The following USB1 variants were observed in gnomAD, a reference collection of about 807,000 sequenced individuals.
The protein encoded by USB1 is U6 snRNA phosphodiesterase 1.
USB1 carries 21 observed loss-of-function variants against 29.9 expected under a neutral mutation model. That is an observed-to-expected ratio of 0.70 (90% CI 0.50 to 1.01). The LOEUF (loss-of-function observed/expected upper bound fraction) is 1.01. USB1 is among the 50% of genes least tolerant of loss of function. USB1 has a pLI of 0.00. For missense variants in USB1, 330 were observed against 347.1 expected, an observed-to-expected ratio of 0.95 and a Z score of 0.39; for synonymous variants, 143 against 134.9, an observed-to-expected ratio of 1.06 and a Z score of -0.42.
intron 2 of USB1, 125 bp downstream of exon 2, chr16:58,002,770 C>T: frequency 7.4e-7 from 1 of 1,353,800 alleles, no homozygotes. Flanking sequence ...GTGGGAAAGT[C>T]ATTGACTTAG....
In USB1 at chr16:58,014,354, T is replaced by C. The variant is rs1459194303; in HGVS notation, c.503+28T>C. 15 of 1,594,430 alleles carry C rather than the reference T, an allele frequency of 9.4e-6. No individual in the cohort carries two copies. In the East Asian group the frequency reaches 3.3e-4, roughly 36 times the overall value. ...GGGTCCTCCCAACCCCCAATCACCA[T>C]CAGAGGAAGATTCTTTGGTGCAAAA... is the stretch of plus-strand genomic sequence containing the variant. On this transcript the variant is annotated intron_variant, in intron 4 of 6. Coordinates refer to ENST00000219281, the MANE Select transcript of USB1 (RefSeq NM_024598.4).
At chr16:58,003,875 A>G (rs943470953) in intron 2 of USB1, among the ~76,000 whole-genome samples, 1 of 151,978 alleles carries the variant, frequency 6.6e-6, no homozygotes, top group Non-Finnish European at 1.5e-5. Context: ...TTGCAAATAC[A>G]TTTTTTTCCC....
At chr16:58,017,481 A>T (rs1050703640) in intron 5 of USB1, 42 bp downstream of exon 5, 7 of 1,566,650 alleles carry the variant, frequency 4.5e-6, no homozygotes, top group Non-Finnish European at 6.2e-6. Flanking sequence ...CCCATTTCTA[A>T]TGAGAATAAA....
Position 58,013,041 on chromosome 16 carries a change from G to A in USB1, c.450-1232G>A, listed in dbSNP as rs553032924. 1.9e-5 allele frequency: 19 copies of A among 985,580 alleles called. No individual in the cohort carries two copies. In the African/African-American group the frequency reaches 2.4e-4, roughly 13 times the overall value. 61.1% of individuals were successfully genotyped at this position (985,580 alleles called of 1,614,324 possible). ...AGGATCTGTGTCATGAGTGAAGCCCGGGCAGGTGTGGTCTGTTCAACTTTG... is the reference window on the plus strand; with the variant it reads ...AGGATCTGTGTCATGAGTGAAGCCCAGGCAGGTGTGGTCTGTTCAACTTTG... On this transcript the variant is annotated intron_variant, in intron 3 of 6. Coordinates refer to ENST00000219281, the MANE Select transcript of USB1 (RefSeq NM_024598.4). The surrounding 1 kb of genome is among the most constrained non-coding windows in gnomAD (Gnocchi z 4.3).
chr16:58,010,849 C>T (rs1173984238), intron 3 of USB1: 2 of 609,292 alleles, frequency 3.3e-6, no homozygotes, highest in Non-Finnish European at 5.9e-6. Context: ...TTCTTAATCA[C>T]CAAGGGAAGC....
At position 58,013,681 on chromosome 16, in the gene USB1, A is replaced by G. The variant is rs1963548892; in HGVS notation, c.450-592A>G. 1.1e-5 allele frequency: 11 copies of G among 957,296 alleles called. No homozygotes were observed. The highest frequency in any genetic ancestry group is 3.5e-5 in the African/African-American group (2 of 56,550). 59.3% of individuals were successfully genotyped at this position (957,296 alleles called of 1,614,324 possible). On this transcript the variant is annotated intron_variant, in intron 3 of 6. Coordinates refer to ENST00000219281, the MANE Select transcript of USB1 (RefSeq NM_024598.4). The surrounding 1 kb of genome is among the most constrained non-coding windows in gnomAD (Gnocchi z 4.3). ...TCACGAAAGCGTCATAGGTGACAAC[A>G]AGGACTCTGGAAACAGGCAGACTGA... is the stretch of plus-strand genomic sequence containing the variant.
chr16:58,020,151 A>T lies in USB1; in HGVS notation c.704A>T (p.Asp235Val), dbSNP rs1018834431. ...GGCTGCTGTTTTAAGGCAATCGTGG[A>T]TGGGTTTGAAGATGCTGAGGTGCTG... ...QCLQELQAIV[D>V]GFEDAEVLLR... is the part of the protein sequence containing the mutation. The change falls in exon 7 of 7, where the codon GAT becomes GTT. Residue 235 changes from aspartate (D) to valine (V), a missense_variant. Asp to Val is a radical substitution (Grantham distance 152, BLOSUM62 -3). Coordinates refer to ENST00000219281, the MANE Select transcript of USB1 (RefSeq NM_024598.4). 47 of 1,613,998 alleles carry T rather than the reference A, an allele frequency of 2.9e-5. No individual in the cohort carries two copies. The African/African-American group carries it at 3.6e-4, about 12-fold the overall frequency.
chr16:58,018,223 T>TC (rs1363417278), intron 5 of USB1, among the ~76,000 whole-genome samples: 1 of 148,462 alleles, frequency 6.7e-6, no homozygotes, highest in East Asian at 2.0e-4. Flanking sequence ...ATGGTTGATG[T>TC]CTTTTTTTTT....
chr16:58,009,922 C>G lies in USB1; in HGVS notation c.266-7C>G. On this transcript the variant is annotated splice_polypyrimidine_tract_variant and splice_region_variant and intron_variant, in intron 2 of 6. Transcript: ENST00000219281. ...AACGGCCCGCCCTCTTTACTCCTCCCCTCCAGATGAAGCCAAGGAGGAGTT... is the reference window on the plus strand; with the variant it reads ...AACGGCCCGCCCTCTTTACTCCTCCGCTCCAGATGAAGCCAAGGAGGAGTT... The G allele has an allele frequency of 6.2e-7, 1 of 1,613,988 alleles. No homozygotes were observed. The highest frequency in any genetic ancestry group is 1.1e-5 in the South Asian group (1 of 91,064).
Position 58,013,468 on chromosome 16 carries a change from G to A in USB1, c.450-805G>A. 1.0e-6 allele frequency: 1 copy of A among 985,580 alleles called. No homozygotes were observed. The highest frequency in any genetic ancestry group is 1.2e-6 in the Non-Finnish European group (1 of 830,086). 61.1% of individuals were successfully genotyped at this position (985,580 alleles called of 1,614,324 possible). Reference sequence around the variant, plus strand: ...GGGTGAGACCCTTGGCCTGGGGGCTGTAAAATGATCTGTTTCTGTGAGGAG... The same window carrying A: ...GGGTGAGACCCTTGGCCTGGGGGCTATAAAATGATCTGTTTCTGTGAGGAG... On this transcript the variant is annotated intron_variant, in intron 3 of 6. Transcript: ENST00000219281. The surrounding 1 kb of genome is among the most constrained non-coding windows in gnomAD (Gnocchi z 4.3).
At chr16:58,019,154 T>C in intron 6 of USB1, 99 bp downstream of exon 6, 1 of 1,253,938 alleles carries the variant, frequency 8.0e-7, no homozygotes, top group South Asian at 1.3e-5. Flanking sequence ...CCTGAATCCC[T>C]GGGAAACAAA....
chr16:58,014,296 TA>T lies in USB1; in HGVS notation c.476del (p.Lys159ArgfsTer106). On this transcript the variant is annotated frameshift_variant, in exon 4 of 7. Coordinates refer to ENST00000219281, the MANE Select transcript of USB1 (RefSeq NM_024598.4). LOFTEE classifies it high-confidence loss of function. Reference protein sequence around the residue: ...FHRFFFTANQVKIYTNQEKTR... With the variant: ...FHRFFFTANQXKIYTNQEKTR... ...AGATTCTTCTTTACTGCCAACCAGGTAAAGATTTACACCAATCAAGAGAAAA... is the reference window on the plus strand; with the variant it reads ...AGATTCTTCTTTACTGCCAACCAGGTAAGATTTACACCAATCAAGAGAAAA... 6.2e-7 allele frequency: 1 copy of T among 1,613,896 alleles called. No homozygotes were observed. The highest frequency in any genetic ancestry group is 2.2e-5 in the East Asian group (1 of 44,886).
At chr16:58,015,225 C>T (rs1312135465) in intron 4 of USB1, 2 of 152,208 alleles carry the variant, frequency 1.3e-5, no homozygotes, top group Non-Finnish European at 2.9e-5. Flanking sequence ...TGCCCAGCTC[C>T]ATCCCAGTTG....
chr16:58,000,401 C>G (rs975936091), upstream of USB1: 1 of 150,334 alleles, frequency 6.7e-6, no homozygotes, highest in African/African-American at 2.4e-5. This position sits in a 1 kb window ranked among gnomAD's most constrained non-coding sequence, Gnocchi z 4.5. Flanking sequence ...CGCCGCTCAC[C>G]TGCTCCAGGC....
intron 4 of USB1, chr16:58,015,784 A>T (rs1423891725): frequency 6.6e-6 from 1 of 152,084 alleles, no homozygotes; most frequent in Admixed American, 6.6e-5. Flanking sequence ...CTTCAAGCAG[A>T]GGACATAGCA....
Position 58,020,155 on chromosome 16 carries a change from G to C in USB1, c.708G>C (p.Gly236=), listed in dbSNP as rs1251875796. 6 of 1,614,048 alleles carry C rather than the reference G, an allele frequency of 3.7e-6. No homozygotes were observed. Among genetic ancestry groups the C allele is most frequent in the Non-Finnish European group, 5.1e-6 (6 of 1,180,030 alleles). Residue 236 remains glycine (G), a synonymous_variant, in exon 7 of 7, where the codon GGG becomes GGC. Transcript: ENST00000219281. ...CLQELQAIVD[G]FEDAEVLLRV... ...GCTGTTTTAAGGCAATCGTGGATGG[G>C]TTTGAAGATGCTGAGGTGCTGCTGC...
rs888168577 is a variant in USB1 at position 58,011,446 on chromosome 16, G to A, written c.449+1334G>A. 8.4e-6 allele frequency: 9 copies of A among 1,073,736 alleles called. No homozygotes were observed. In the African/African-American group the frequency reaches 1.3e-4, roughly 16 times the overall value. 66.5% of individuals were successfully genotyped at this position (1,073,736 alleles called of 1,614,324 possible). A position where few individuals can be genotyped will look rare whatever the true frequency, so the allele number is the denominator to read the frequency against. On this transcript the variant is annotated intron_variant, in intron 3 of 6. Coordinates refer to ENST00000219281, the MANE Select transcript of USB1 (RefSeq NM_024598.4). Reference sequence around the variant, plus strand: ...TCATAACTCTTTTCCTACCAGAAATGCATCTCCTGCTAGACTGGTCCAGAT... The same window carrying A: ...TCATAACTCTTTTCCTACCAGAAATACATCTCCTGCTAGACTGGTCCAGAT...
At chr16:58,001,392 C>A, upstream of USB1, 2 of 1,466,912 alleles carry the variant, frequency 1.4e-6, no homozygotes, top group Non-Finnish European at 1.9e-6. Flanking sequence ...GCCCAGGCCC[C>A]GCCCCTGGGA....
chr16:58,017,810 T>C (rs1963653162), intron 5 of USB1, among the ~76,000 whole-genome samples: 1 of 152,192 alleles, frequency 6.6e-6, no homozygotes, highest in South Asian at 2.1e-4. Context: ...TCCTGCACCT[T>C]GCCCAGGCCC....
Sources: allele counts gnomAD v4.1 joint callset (sites outside exome capture counted in the v4.1 genomes callset), GRCh38; gene constraint gnomAD v4.1.1; non-coding constraint Gnocchi (gnomAD v3.1); transcripts MANE v1.5; gene names NCBI Gene and HGNC (gene_info 2026-07-23, HGNC 2026-07-21).